Variants in TP63 observed in about 807,000 individuals in gnomAD.
The protein encoded by TP63 is tumor protein 63.
A neutral mutation model predicts 82.8 loss-of-function variants in TP63; 17 were observed. The observed-to-expected ratio is 0.21, with a 90% CI of 0.14 to 0.31. The LOEUF is 0.31. TP63 is among the 10% of genes least tolerant of loss of function. TP63 has a pLI of 1.00. For missense variants in TP63, 648 were observed against 895.3 expected, an observed-to-expected ratio of 0.72 and a Z score of 3.52; for synonymous variants, 330 against 321.7, an observed-to-expected ratio of 1.03 and a Z score of -0.28.
chr3:189,864,990 G>C, intron 5 of TP63, among the ~76,000 whole-genome samples: 1 of 151,608 alleles, frequency 6.6e-6, no homozygotes, highest in Non-Finnish European at 1.5e-5. Flanking sequence ...CTGGGCGACA[G>C]AGCGAGACTC....
chr3:189,896,118 G>A lies in TP63; in HGVS notation c.*1616G>A, dbSNP rs1252320679. The stretch of plus-strand genomic sequence containing the variant: ...CATTTTTTTGCATGCATGCAAATGA[G>A]CTCTGAAATCTTCCCATGCATTCTG... On this transcript the variant is annotated 3_prime_UTR_variant, in exon 14 of 14. Coordinates refer to ENST00000264731, the MANE Select transcript of TP63 (RefSeq NM_003722.5). 2 of 221,924 alleles carry A rather than the reference G, an allele frequency of 9.0e-6. No homozygotes were observed. Among genetic ancestry groups the A allele is most frequent in the Non-Finnish European group, 1.8e-5 (2 of 110,732 alleles). The allele number at this position is 221,924 out of a possible 1,614,324, so 13.7% of individuals were successfully genotyped here.
intron 4 of TP63, among the ~76,000 whole-genome samples, chr3:189,810,782 G>A (rs2108644678): frequency 6.7e-6 from 1 of 150,208 alleles, no homozygotes; most frequent in East Asian, 1.9e-4. Flanking sequence ...CTTGAACCTG[G>A]GAGACAGAGG....
chr3:189,823,225 C>A (rs1728977806), intron 4 of TP63, among the ~76,000 whole-genome samples: 1 of 152,186 alleles, frequency 6.6e-6, no homozygotes. Context: ...TCTTTTCTCT[C>A]TGAAGCTGTG....
chr3:189,746,036 T>C (rs571086431), intron 3 of TP63, among the ~76,000 whole-genome samples: 1 of 152,124 alleles, frequency 6.6e-6, no homozygotes, highest in African/African-American at 2.4e-5. Context: ...TCTAGCAAGA[T>C]ATTTATATAT....
intron 4 of TP63, among the ~76,000 whole-genome samples, chr3:189,825,620 A>G (rs1729262436): frequency 6.6e-6 from 1 of 152,218 alleles, no homozygotes; most frequent in Non-Finnish European, 1.5e-5. Flanking sequence ...AAATAATATC[A>G]GTATCTATTA....
At chr3:189,791,646 CTA>C (rs1725155550) in intron 3 of TP63, among the ~76,000 whole-genome samples, 3 of 152,118 alleles carry the variant, frequency 2.0e-5, no homozygotes, top group African/African-American at 7.2e-5. Flanking sequence ...CCCTACCTTT[CTA>C]TGTCTTTTTG....
In TP63 at chr3:189,635,760, T is replaced by G. The variant is rs1158994491; in HGVS notation, c.62+4183T>G. 2.0e-5 allele frequency among the ~76,000 whole-genome samples: 3 copies of G among 152,124 alleles called. No individual in the cohort carries two copies. The East Asian group carries it at 5.8e-4, about 29-fold the overall frequency. ...TCCTTACCCCCTCATTAAACTTTCC[T>G]CAATATCTTTTTTCTTGCCAGTATC... is the stretch of plus-strand genomic sequence containing the variant. On this transcript the variant is annotated intron_variant, in intron 1 of 13. Coordinates refer to ENST00000264731, the MANE Select transcript of TP63 (RefSeq NM_003722.5).
At chr3:189,678,529 C>T (rs1013739131) in intron 1 of TP63, among the ~76,000 whole-genome samples, 1 of 151,910 alleles carries the variant, frequency 6.6e-6, no homozygotes, top group Non-Finnish European at 1.5e-5. Flanking sequence ...AAATCTCCGG[C>T]TTTGTTCTTT....
rs947705288 is a variant in TP63, at chr3:189,895,537, G to T, written c.*1035G>T. 7 of 220,146 alleles carry T rather than the reference G, an allele frequency of 3.2e-5. No homozygotes were observed. The highest frequency in any genetic ancestry group is 4.5e-5 in the Non-Finnish European group (5 of 109,952). The allele number at this position is 220,146 out of a possible 1,614,324, so 13.6% of individuals were successfully genotyped here. On this transcript the variant is annotated 3_prime_UTR_variant, in exon 14 of 14. Coordinates refer to ENST00000264731, the MANE Select transcript of TP63 (RefSeq NM_003722.5). ...GATTGGGATGAATGCCATCTATCTAGTTCTAACAGTGAAGTTTTACTGTCT... is the reference window on the plus strand; with the variant it reads ...GATTGGGATGAATGCCATCTATCTATTTCTAACAGTGAAGTTTTACTGTCT...
Position 189,699,802 on chromosome 3 carries a change from GA to G in TP63, c.63-37931del, listed in dbSNP as rs372575170. On this transcript the variant is annotated intron_variant, in intron 1 of 13. Coordinates refer to ENST00000264731, the MANE Select transcript of TP63 (RefSeq NM_003722.5). ...TTTAAATTTTTTGCTTGTTCTCAAA[GA>G]AAAAAAGGAAAAGAAACTATTCTTC... 3.9e-3 allele frequency among the ~76,000 whole-genome samples: 585 copies of G among 151,754 alleles called. 2 individuals carry two copies. The highest frequency in any genetic ancestry group is 0.014 in the African/African-American group (562 of 41,428).
intron 1 of TP63, among the ~76,000 whole-genome samples, chr3:189,697,173 G>C (rs1577258520): frequency 6.8e-6 from 1 of 146,286 alleles, no homozygotes; most frequent in African/African-American, 2.5e-5. Context: ...TTTACATTGA[G>C]TTCTATGATC....
intron 3 of TP63, among the ~76,000 whole-genome samples, chr3:189,771,461 TA>T (rs1560171872): frequency 4.2e-5 from 6 of 142,354 alleles, no homozygotes; most frequent in African/African-American, 1.5e-4. Flanking sequence ...ATATTAAATA[TA>T]TAATATTTAA....
chr3:189,841,576 G>A (rs1394969541), intron 4 of TP63, among the ~76,000 whole-genome samples: 1 of 152,144 alleles, frequency 6.6e-6, no homozygotes, highest in Non-Finnish European at 1.5e-5. Flanking sequence ...TCCAAAACAA[G>A]CCACAAATCT....
At position 189,895,143 on chromosome 3, in the gene TP63, T is replaced by C; in HGVS notation, c.*641T>C. 4.5e-6 allele frequency: 1 copy of C among 221,090 alleles called. No individual in the cohort carries two copies. The highest frequency in any genetic ancestry group is 9.1e-6 in the Non-Finnish European group (1 of 110,252). 13.7% of individuals were successfully genotyped at this position (221,090 alleles called of 1,614,324 possible). A position where few individuals can be genotyped will look rare whatever the true frequency, so the allele number is the denominator to read the frequency against. On this transcript the variant is annotated 3_prime_UTR_variant, in exon 14 of 14. Coordinates refer to ENST00000264731, the MANE Select transcript of TP63 (RefSeq NM_003722.5). ...ATTGCTTATTATGTAGGTAAGACTG[T>C]AGATATGTATTCTTTTCTCAGTGTT...
At chr3:189,653,790 C>T (rs946997700) in intron 1 of TP63, among the ~76,000 whole-genome samples, 1 of 152,194 alleles carries the variant, frequency 6.6e-6, no homozygotes, top group Non-Finnish European at 1.5e-5. Context: ...AAGCTTTTCT[C>T]ACAAACCATA....
At chr3:189,785,682 A>G (rs1025197239) in intron 3 of TP63, among the ~76,000 whole-genome samples, 3 of 152,024 alleles carry the variant, frequency 2.0e-5, no homozygotes, top group African/African-American at 7.2e-5. Flanking sequence ...TTATAAGGAA[A>G]GTGAAGCTGA....
chr3:189,629,115 T>C (rs982119197), upstream of TP63, among the ~76,000 whole-genome samples: 2 of 152,114 alleles, frequency 1.3e-5, no homozygotes, highest in Non-Finnish European at 2.9e-5. Flanking sequence ...TGGTGGCTCA[T>C]GCCTGTAATC....
At chr3:189,800,326 C>T (rs1366303128) in intron 3 of TP63, among the ~76,000 whole-genome samples, 1 of 152,010 alleles carries the variant, frequency 6.6e-6, no homozygotes, top group Non-Finnish European at 1.5e-5. Context: ...GAATAGGGAG[C>T]TGCTCAAGGA....
intron 10 of TP63, chr3:189,873,645 T>C (rs1430528130): frequency 1.2e-5 from 2 of 161,298 alleles, no homozygotes; most frequent in African/African-American, 4.8e-5. Flanking sequence ...TATTACCATA[T>C]ACATATAACC....
Sources: allele counts gnomAD v4.1 joint callset (sites outside exome capture counted in the v4.1 genomes callset), GRCh38; gene constraint gnomAD v4.1.1; transcripts MANE v1.5; gene names NCBI Gene and HGNC (gene_info 2026-07-23, HGNC 2026-07-21).